SESTD1: variants seen among roughly 807,000 people sequenced by gnomAD.
The protein encoded by SESTD1 is SEC14 and spectrin domain containing 1, also known as SEC14 domain and spectrin repeat-containing protein 1.
In SESTD1, 43 loss-of-function variants were observed where a neutral mutation model predicts 101.7. The observed-to-expected ratio is 0.42, with a 90% CI of 0.33 to 0.55. The LOEUF is 0.55. SESTD1 is among the 20% of genes least tolerant of loss of function. The pLI is 0.07. For missense variants in SESTD1, 647 were observed against 815.1 expected (o/e 0.79, Z 2.51); for synonymous variants, 283 against 286.8 (o/e 0.99, Z 0.13).
At chr2:179,185,823 TTA>T (rs2046218903) in intron 2 of SESTD1, among the ~76,000 whole-genome samples, 1 of 131,070 alleles carries the variant, frequency 7.6e-6, no homozygotes, top group Non-Finnish European at 1.5e-5. Flanking sequence ...ATATAGTATA[TTA>T]TATATAATAT....
intron 1 of SESTD1, among the ~76,000 whole-genome samples, chr2:179,202,917 C>T: frequency 7.4e-6 from 1 of 134,456 alleles, no homozygotes; most frequent in Non-Finnish European, 1.6e-5. Flanking sequence ...TCCTGACAAA[C>T]CAACAACCAT....
chr2:179,191,834 G>C lies in SESTD1; in HGVS notation c.8C>G (p.Ala3Gly), dbSNP rs559354631. Residue 3 changes from alanine (A) to glycine (G), a missense_variant, in exon 2 of 18, where the codon GCC becomes GGC. Physicochemically the swap from Ala to Gly is moderately conservative, Grantham distance 60 (BLOSUM62 0). This residue lies in a region of SESTD1 where 168 missense variants were observed against 235.1 expected (regional missense o/e 0.71). Coordinates refer to ENST00000428443, the MANE Select transcript of SESTD1 (RefSeq NM_178123.5). ME[A>G]SVILPILKKK... is the part of the protein sequence containing the mutation. ...CTTCAGAATGGGTAATATTACTGAG[G>C]CCTCCATTTTACTCCAGTGAACTTC... The C allele has an allele frequency of 2.5e-5, 41 of 1,612,104 alleles. 2 individuals are homozygous for C. The South Asian group carries it at 4.4e-4, about 17-fold the overall frequency.
chr2:179,197,230 G>T (rs2046414512), intron 1 of SESTD1, among the ~76,000 whole-genome samples: 2 of 151,636 alleles, frequency 1.3e-5, no homozygotes, highest in African/African-American at 2.4e-5. Context: ...TGAAATGAAT[G>T]AAATGAAGCG....
In SESTD1 at chr2:179,139,438, A is replaced by G. The variant is rs116632728; in HGVS notation, c.849+4154T>C. Among the ~76,000 whole-genome samples the G allele has an allele frequency of 3.5e-3, 528 of 152,288 alleles. 4 individuals carry two copies. The highest frequency in any genetic ancestry group is 6.2e-3 in the Non-Finnish European group (421 of 68,024). On this transcript the variant is annotated intron_variant, in intron 9 of 17. Coordinates refer to ENST00000428443, the MANE Select transcript of SESTD1 (RefSeq NM_178123.5). ...GGGAAGAAAGAAGGGGGAGAAATGA[A>G]AATATACCAAGCTTGCAGCATGTTG... is the stretch of plus-strand genomic sequence containing the variant.
chr2:179,218,667 G>A (rs1309299961), intron 1 of SESTD1, among the ~76,000 whole-genome samples: 1 of 152,172 alleles, frequency 6.6e-6, no homozygotes, highest in Admixed American at 6.5e-5. Context: ...AATACAGGGA[G>A]ACTAGGTTTC....
chr2:179,223,390 T>A (rs1179595055), intron 1 of SESTD1, among the ~76,000 whole-genome samples: 3 of 152,060 alleles, frequency 2.0e-5, no homozygotes, highest in Admixed American at 6.6e-5. Context: ...CTACTAAAAA[T>A]CAATCTGTAT....
At chr2:179,185,988 T>G (rs2046225650) in intron 2 of SESTD1, among the ~76,000 whole-genome samples, 3 of 143,538 alleles carry the variant, frequency 2.1e-5, no homozygotes. Context: ...GTATATTATA[T>G]ACAATATATA....
chr2:179,138,870 CAAAAAAAAAAAAAAA>C (rs61703699), intron 9 of SESTD1, among the ~76,000 whole-genome samples: 13 of 65,548 alleles, frequency 2.0e-4, no homozygotes, highest in East Asian at 7.8e-4. Flanking sequence ...AACCCTGTCT[CAAAAAAAAAAAAAAA>C]AAAAAAAAAA....
intron 1 of SESTD1, among the ~76,000 whole-genome samples, chr2:179,256,858 G>C (rs930246656): frequency 2.7e-5 from 4 of 149,686 alleles, no homozygotes; most frequent in Non-Finnish European, 5.9e-5. Context: ...ACTTCTTACA[G>C]AGGAGCAAAG....
At chr2:179,253,374 A>G (rs1488041625) in intron 1 of SESTD1, among the ~76,000 whole-genome samples, 1 of 152,238 alleles carries the variant, frequency 6.6e-6, no homozygotes, top group African/African-American at 2.4e-5. Flanking sequence ...GCAAGTCTCC[A>G]GTTAACAGTA....
rs1249384725 is a variant in SESTD1, at chr2:179,109,612, G to T, written c.*287C>A. 6.8e-6 allele frequency: 3 copies of T among 443,622 alleles called. No homozygotes were observed. The highest frequency in any genetic ancestry group is 4.0e-5 in the African/African-American group (2 of 50,132). 27.5% of individuals were successfully genotyped at this position (443,622 alleles called of 1,614,324 possible). On this transcript the variant is annotated 3_prime_UTR_variant, in exon 18 of 18. Coordinates refer to ENST00000428443, the MANE Select transcript of SESTD1 (RefSeq NM_178123.5). Reference sequence around the variant, plus strand: ...TAGCACCATTCAAAGCTTATTATCAGTTGTTTGTCTACAAACTGACAGGTC... The same window carrying T: ...TAGCACCATTCAAAGCTTATTATCATTTGTTTGTCTACAAACTGACAGGTC...
chr2:179,205,985 A>G (rs2046585835), intron 1 of SESTD1, among the ~76,000 whole-genome samples: 1 of 135,224 alleles, frequency 7.4e-6, no homozygotes, highest in Admixed American at 7.2e-5. Flanking sequence ...ATTAAAAAAA[A>G]CAAAAATCTT....
rs2046950405 is a variant in SESTD1 at position 179,229,749 on chromosome 2, T to TATATATATATATATATA, written c.-26+34749_-26+34750insTATATATATATATATAT. Among the ~76,000 whole-genome samples the TATATATATATATATATA allele has an allele frequency of 2.1e-3, 222 of 106,330 alleles. 3 individuals carry two copies. Among genetic ancestry groups the TATATATATATATATATA allele is most frequent in the Non-Finnish European group, 3.5e-3 (178 of 50,862 alleles). The allele number at this position is 106,330 out of a possible 152,430, so 69.8% of individuals were successfully genotyped here. On this transcript the variant is annotated intron_variant, in intron 1 of 17. Transcript: ENST00000428443. The stretch of plus-strand genomic sequence containing the variant: ...AAGAAATTTAAGATTTTGTAAGAAC[T>TATATATATATATATATA]TATATATATATATATATATATATAT...
At position 179,121,703 on chromosome 2, in the gene SESTD1, T is replaced by G. The variant is rs1231888371; in HGVS notation, c.1442+67A>C. On this transcript the variant is annotated intron_variant, in intron 13 of 17. Coordinates refer to ENST00000428443, the MANE Select transcript of SESTD1 (RefSeq NM_178123.5). The stretch of plus-strand genomic sequence containing the variant: ...AACGTTTTGTCTGTATATAAAATGT[T>G]ATATAACTTCATTTTAACTAATATT... 8.0e-6 allele frequency: 11 copies of G among 1,372,234 alleles called. No individual in the cohort carries two copies. The Admixed American group carries it at 2.3e-4, about 28-fold the overall frequency. The allele number at this position is 1,372,234 out of a possible 1,614,324, so 85.0% of individuals were successfully genotyped here. A position where few individuals can be genotyped will look rare whatever the true frequency, so the allele number is the denominator to read the frequency against.
intron 5 of SESTD1, among the ~76,000 whole-genome samples, chr2:179,153,270 T>C (rs1368946850): frequency 1.3e-5 from 2 of 152,124 alleles, no homozygotes; most frequent in African/African-American, 4.8e-5. Flanking sequence ...TTAGTGATAG[T>C]TTTAGTATTG....
At chr2:179,247,790 T>A (rs2047255772) in intron 1 of SESTD1, among the ~76,000 whole-genome samples, 1 of 151,782 alleles carries the variant, frequency 6.6e-6, no homozygotes, top group African/African-American at 2.4e-5. Context: ...TAATTAGCAA[T>A]GACTTAAATG....
At chr2:179,169,871 G>A (rs1039058041) in intron 5 of SESTD1, among the ~76,000 whole-genome samples, 4 of 151,750 alleles carry the variant, frequency 2.6e-5, no homozygotes, top group Admixed American at 6.6e-5. Flanking sequence ...CTACGTGGGA[G>A]GCTCAGGCAG....
intron 5 of SESTD1, among the ~76,000 whole-genome samples, chr2:179,167,199 A>G (rs2045850672): frequency 6.6e-6 from 1 of 152,238 alleles, no homozygotes; most frequent in Non-Finnish European, 1.5e-5. Flanking sequence ...TAGAAACTCT[A>G]AAGAAAAGTC....
chr2:179,122,667 AT>A (rs1420349508), intron 12 of SESTD1, among the ~76,000 whole-genome samples: 2 of 152,218 alleles, frequency 1.3e-5, no homozygotes, highest in Non-Finnish European at 2.9e-5. Flanking sequence ...AGGTGGGCAG[AT>A]CACCAGAGGT....
Sources: allele counts gnomAD v4.1 joint callset (sites outside exome capture counted in the v4.1 genomes callset), GRCh38; gene constraint gnomAD v4.1.1; regional missense constraint gnomAD v4.1.1; transcripts MANE v1.5; gene names NCBI Gene and HGNC (gene_info 2026-07-23, HGNC 2026-07-21).